The following SV2B variants were observed in gnomAD, a reference collection of about 807,000 sequenced individuals.
The protein encoded by SV2B is solute carrier family 22 member B2.
In SV2B, 41 loss-of-function variants were observed where a neutral mutation model predicts 73.9. The observed-to-expected ratio is 0.56, with a 90% CI of 0.43 to 0.72. SV2B has a LOEUF of 0.72. Among genes scored for constraint, SV2B ranks in the 30% least tolerant of loss-of-function variants. The pLI is 0.00. For synonymous variants in SV2B, 314 were observed against 314.2 expected, an observed-to-expected ratio of 1.00 and a Z score of 0.01; for missense variants, 764 against 857.8, an observed-to-expected ratio of 0.89 and a Z score of 1.37.
intron 2 of SV2B, among the ~76,000 whole-genome samples, chr15:91,246,625 C>G (rs1156816112): frequency 6.6e-6 from 1 of 152,132 alleles, no homozygotes; most frequent in African/African-American, 2.4e-5. Context: ...AGGCTCCTCC[C>G]TCTTCCAAGG....
intron 1 of SV2B, among the ~76,000 whole-genome samples, chr15:91,146,660 C>T (rs916908819): frequency 1.3e-5 from 2 of 152,124 alleles, no homozygotes; most frequent in Non-Finnish European, 2.9e-5. Context: ...AGATCTTTCA[C>T]CTCTCTAGTT....
chr15:91,175,578 T>C (rs2044274254), intron 1 of SV2B, among the ~76,000 whole-genome samples: 1 of 152,108 alleles, frequency 6.6e-6, no homozygotes, highest in African/African-American at 2.4e-5. Context: ...TATTTCCCAG[T>C]GAAATAATTT....
At chr15:91,185,258 GAAA>G (rs1370344365) in intron 1 of SV2B, among the ~76,000 whole-genome samples, 1 of 151,986 alleles carries the variant, frequency 6.6e-6, no homozygotes. Context: ...GATATTTAAG[GAAA>G]AAAATGAACG....
chr15:91,196,494 T>C (rs534323742), intron 1 of SV2B, among the ~76,000 whole-genome samples: 2 of 152,218 alleles, frequency 1.3e-5, no homozygotes, highest in African/African-American at 4.8e-5. Context: ...GGCCCAGCAC[T>C]ATGAAGGGAA....
At chr15:91,178,170 T>C (rs1330555308) in intron 1 of SV2B, among the ~76,000 whole-genome samples, 1 of 151,630 alleles carries the variant, frequency 6.6e-6, no homozygotes, top group South Asian at 2.1e-4. Flanking sequence ...TTGTCTTTGG[T>C]TCTGTTTATA....
intron 10 of SV2B, among the ~76,000 whole-genome samples, chr15:91,282,192 C>T (rs1017668307): frequency 2.0e-5 from 3 of 152,222 alleles, no homozygotes; most frequent in Non-Finnish European, 4.4e-5. Context: ...TAACAACTGG[C>T]ATTCCAGGAG....
Position 91,110,703 on chromosome 15 carries a change from C to T in SV2B, c.-392+10340C>T, listed in dbSNP as rs1157797323. The stretch of plus-strand genomic sequence containing the variant: ...GCCTGGGAGATGGGGCTGGAAAGGT[C>T]ATGGGAATGTCGGGAGCCTCTGCCC... On this transcript the variant is annotated intron_variant, in intron 1 of 12. Coordinates refer to ENST00000394232, the MANE Select transcript of SV2B (RefSeq NM_001323032.3). This position sits in a 1 kb window ranked among gnomAD's most constrained non-coding sequence, Gnocchi z 5.4. Among the ~76,000 whole-genome samples, 1 of 152,194 alleles carries T rather than the reference C, an allele frequency of 6.6e-6. No homozygotes were observed. The highest frequency in any genetic ancestry group is 1.5e-5 in the Non-Finnish European group (1 of 68,040).
chr15:91,275,441 C>G lies in SV2B; in HGVS notation c.1374-6287C>G, dbSNP rs116449555. 6.3e-3 allele frequency among the ~76,000 whole-genome samples: 965 copies of G among 152,302 alleles called. 9 individuals carry two copies. The highest frequency in any genetic ancestry group is 0.021 in the African/African-American group (861 of 41,554). On this transcript the variant is annotated intron_variant, in intron 9 of 12. Coordinates refer to ENST00000394232, the MANE Select transcript of SV2B (RefSeq NM_001323032.3). ...CCTGTTTTATGTGATTGTTGTCATA[C>G]ATACTTGTTTTACATATGCTATAAA...
chr15:91,246,678 G>A (rs752931862), intron 2 of SV2B, among the ~76,000 whole-genome samples: 4 of 151,706 alleles, frequency 2.6e-5, no homozygotes, highest in Non-Finnish European at 5.9e-5. Flanking sequence ...CCAATTAAAA[G>A]TCTTTTCCAC....
At chr15:91,212,310 T>C (rs1026962299) in intron 1 of SV2B, among the ~76,000 whole-genome samples, 2 of 152,234 alleles carry the variant, frequency 1.3e-5, no homozygotes, top group African/African-American at 4.8e-5. Context: ...GCTTCACTTT[T>C]CAAGTTTTAG....
chr15:91,268,734 C>G lies in SV2B; in HGVS notation c.1373+129C>G. ...TGAGCGCCAAGGCTGGTGTCATCAT[C>G]ACAACCTGTCATGGCTGCCAGTGAC... On this transcript the variant is annotated intron_variant, in intron 9 of 12. Coordinates refer to ENST00000394232, the MANE Select transcript of SV2B (RefSeq NM_001323032.3). The surrounding 1 kb of genome is among the most constrained non-coding windows in gnomAD (Gnocchi z 4.4). 8.2e-7 allele frequency: 1 copy of G among 1,218,586 alleles called. No individual in the cohort carries two copies. Among genetic ancestry groups the G allele is most frequent in the Non-Finnish European group, 1.1e-6 (1 of 892,632 alleles). The allele number at this position is 1,218,586 out of a possible 1,614,324, so 75.5% of individuals were successfully genotyped here. A position where few individuals can be genotyped will look rare whatever the true frequency, so the allele number is the denominator to read the frequency against.
Position 91,151,903 on chromosome 15 carries a change from A to G in SV2B, c.-392+51540A>G, listed in dbSNP as rs2043323264. ...ATTTTAGATATCAAGGCTTTTCAGG[A>G]TGCAAGAAAACAGTAGTTACTCAAA... On this transcript the variant is annotated intron_variant, in intron 1 of 12. Transcript: ENST00000394232. 2.0e-5 allele frequency among the ~76,000 whole-genome samples: 3 copies of G among 152,254 alleles called. No homozygotes were observed. In the Middle Eastern group the frequency reaches 0.01, roughly 518 times the overall value.
At chr15:91,182,367 T>A (rs1453236269) in intron 1 of SV2B, among the ~76,000 whole-genome samples, 1 of 152,220 alleles carries the variant, frequency 6.6e-6, no homozygotes, top group Non-Finnish European at 1.5e-5. Context: ...AAGTTCTCGA[T>A]TAGCATTTGT....
In SV2B at chr15:91,261,537, C is replaced by T. The variant is rs959331474; in HGVS notation, c.1008+1128C>T. Among the ~76,000 whole-genome samples the T allele has an allele frequency of 6.6e-6, 1 of 152,052 alleles. No homozygotes were observed. The highest frequency in any genetic ancestry group is 1.5e-5 in the Non-Finnish European group (1 of 67,998). ...AACCTTCTTGTGCACATAGTTCCTT[C>T]CCCTTCATGTCCTAGGATTGTTTTA... On this transcript the variant is annotated intron_variant, in intron 6 of 12. Coordinates refer to ENST00000394232, the MANE Select transcript of SV2B (RefSeq NM_001323032.3). This position sits in a 1 kb window ranked among gnomAD's most constrained non-coding sequence, Gnocchi z 4.7.
In SV2B at chr15:91,115,342, C is replaced by A. The variant is rs981337713; in HGVS notation, c.-392+14979C>A. 6.6e-6 allele frequency among the ~76,000 whole-genome samples: 1 copy of A among 152,030 alleles called. No individual in the cohort carries two copies. The highest frequency in any genetic ancestry group is 2.4e-5 in the African/African-American group (1 of 41,394). ...TGCTACCTTTGTTGGTGAGTGTTGACGACTTTGAAAGTGGGCTATTTCTCC... is the reference window on the plus strand; with the variant it reads ...TGCTACCTTTGTTGGTGAGTGTTGAAGACTTTGAAAGTGGGCTATTTCTCC... On this transcript the variant is annotated intron_variant, in intron 1 of 12. Coordinates refer to ENST00000394232, the MANE Select transcript of SV2B (RefSeq NM_001323032.3). This position sits in a 1 kb window ranked among gnomAD's most constrained non-coding sequence, Gnocchi z 4.3.
intron 1 of SV2B, among the ~76,000 whole-genome samples, chr15:91,131,147 GTTTT>G (rs56130189): frequency 8.5e-6 from 1 of 118,088 alleles, no homozygotes; most frequent in Non-Finnish European, 1.7e-5. Flanking sequence ...ATGTTTTCTT[GTTTT>G]TTTTTTTTTT....
intron 1 of SV2B, among the ~76,000 whole-genome samples, chr15:91,119,321 G>T (rs1349239275): frequency 6.6e-6 from 1 of 152,198 alleles, no homozygotes; most frequent in African/African-American, 2.4e-5. Flanking sequence ...CATTTGAGAC[G>T]CGAGTACAGA....
rs1466027380 is a variant in SV2B, at chr15:91,240,048, G to T, written c.452-11771G>T. Among the ~76,000 whole-genome samples, 1 of 152,198 alleles carries T rather than the reference G, an allele frequency of 6.6e-6. No individual in the cohort carries two copies. On this transcript the variant is annotated intron_variant, in intron 2 of 12. Coordinates refer to ENST00000394232, the MANE Select transcript of SV2B (RefSeq NM_001323032.3). The surrounding 1 kb of genome is among the most constrained non-coding windows in gnomAD (Gnocchi z 4.6). ...CTTAGGGTTGAGTGTGTCTGAGGAG[G>T]CAATCTCTCTGAACACGTTTAATAC...
chr15:91,180,320 C>T (rs1683572200), intron 1 of SV2B, among the ~76,000 whole-genome samples: 1 of 152,042 alleles, frequency 6.6e-6, no homozygotes, highest in South Asian at 2.1e-4. Context: ...TCTGGCTGCC[C>T]TTAACATTTT....
Sources: allele counts gnomAD v4.1 joint callset (sites outside exome capture counted in the v4.1 genomes callset), GRCh38; gene constraint gnomAD v4.1.1; non-coding constraint Gnocchi (gnomAD v3.1); transcripts MANE v1.5; gene names NCBI Gene and HGNC (gene_info 2026-07-23, HGNC 2026-07-21).